Variants in AXDND1 observed in about 807,000 individuals in gnomAD.
The protein encoded by AXDND1 is axonemal dynein light chain domain-containing protein 1.
A neutral mutation model predicts 137.5 loss-of-function variants in AXDND1; 110 were observed. The observed-to-expected ratio is 0.80, with a 90% CI of 0.69 to 0.94. The LOEUF (loss-of-function observed/expected upper bound fraction) is 0.94. AXDND1 is among the 40% of genes least tolerant of loss of function. The pLI is 0.00. For missense variants in AXDND1, 1,191 were observed against 1,169.8 expected (o/e 1.02, Z -0.26); for synonymous variants, 414 against 399.7 (o/e 1.04, Z -0.43).
chr1:179,445,590 T>A (rs907348966), intron 16 of AXDND1, among the ~76,000 whole-genome samples: 1 of 152,190 alleles, frequency 6.6e-6, no homozygotes, highest in African/African-American at 2.4e-5. Context: ...TGGACTTTCA[T>A]GTGAATGAAT....
chr1:179,414,547 T>A (rs976486231), intron 12 of AXDND1, among the ~76,000 whole-genome samples: 1 of 152,104 alleles, frequency 6.6e-6, no homozygotes, highest in Admixed American at 6.6e-5. Flanking sequence ...TGCCTCAGCC[T>A]CCTGTGTAGC....
intron 15 of AXDND1, among the ~76,000 whole-genome samples, chr1:179,437,165 G>A (rs1020315232): frequency 4.1e-4 from 62 of 151,994 alleles, no homozygotes; most frequent in Non-Finnish European, 5.7e-4. Flanking sequence ...ACAAAGGGGG[G>A]CAAATGTGGG....
chr1:179,477,107 T>A lies in AXDND1; in HGVS notation c.1998-6021T>A, dbSNP rs1039372533. Among the ~76,000 whole-genome samples, 25 of 152,162 alleles carry A rather than the reference T, an allele frequency of 1.6e-4. 1 individual carries two copies. Among genetic ancestry groups the A allele is most frequent in the African/African-American group, 6.0e-4 (25 of 41,456 alleles). ...TTCAATTCTTCTCTCTTCTGCCAGT[T>A]CAAATTTACTGTTGAGCCCTAGTAG... On this transcript the variant is annotated intron_variant, in intron 17 of 25. Coordinates refer to ENST00000367618, the MANE Select transcript of AXDND1 (RefSeq NM_144696.6).
intron 17 of AXDND1, among the ~76,000 whole-genome samples, chr1:179,474,216 C>CAAAAAA: frequency 1.1e-5 from 1 of 92,208 alleles, no homozygotes; most frequent in African/African-American, 4.2e-5. Context: ...GACTCCACCT[C>CAAAAAA]AAAAAAAAAA....
At chr1:179,419,349 T>G (rs891257387) in intron 12 of AXDND1, among the ~76,000 whole-genome samples, 1 of 151,890 alleles carries the variant, frequency 6.6e-6, no homozygotes, top group African/African-American at 2.4e-5. Flanking sequence ...AACGAGACTC[T>G]GTCTGCAATC....
intron 11 of AXDND1, among the ~76,000 whole-genome samples, chr1:179,409,782 C>CAGG (rs1484304095): frequency 6.6e-6 from 1 of 152,108 alleles, no homozygotes; most frequent in East Asian, 1.9e-4. Flanking sequence ...CATTGCACTC[C>CAGG]AGCCTGGGGG....
At chr1:179,489,524 G>C (rs540173783) in intron 18 of AXDND1, among the ~76,000 whole-genome samples, 88 of 152,232 alleles carry the variant, frequency 5.8e-4, no homozygotes, top group African/African-American at 2.1e-3. Context: ...AGAAGCAGCA[G>C]GGACATAACT....
At chr1:179,537,752 G>C (rs914881196) in intron 25 of AXDND1, among the ~76,000 whole-genome samples, 1 of 152,106 alleles carries the variant, frequency 6.6e-6, no homozygotes, top group Admixed American at 6.5e-5. Flanking sequence ...AATCAGAATA[G>C]TTTCAGAAGG....
chr1:179,533,326 C>G (rs1486441310), intron 23 of AXDND1, among the ~76,000 whole-genome samples: 1 of 152,024 alleles, frequency 6.6e-6, no homozygotes, highest in East Asian at 1.9e-4. Flanking sequence ...ACATCTTTAA[C>G]TGATATTTAT....
At chr1:179,401,733 T>C (rs1652090460) in intron 11 of AXDND1, among the ~76,000 whole-genome samples, 1 of 152,162 alleles carries the variant, frequency 6.6e-6, no homozygotes, top group East Asian at 1.9e-4. Context: ...CTGATTGTTT[T>C]ATAAGGGGAA....
intron 21 of AXDND1, among the ~76,000 whole-genome samples, chr1:179,510,995 TGTTTC>T (rs1405105235): frequency 2.0e-5 from 3 of 149,832 alleles, no homozygotes; most frequent in Non-Finnish European, 4.4e-5. Flanking sequence ...GAACATATGG[TGTTTC>T]GTTTTCCATT....
chr1:179,468,306 T>A, intron 16 of AXDND1, 137 bp from the exon 17 acceptor site: 1 of 603,266 alleles, frequency 1.7e-6, no homozygotes, highest in Non-Finnish European at 2.8e-6. Flanking sequence ...TTTGTAAGGT[T>A]CTCTGCTAGT....
At chr1:179,420,196 T>C (rs1224892795) in intron 12 of AXDND1, among the ~76,000 whole-genome samples, 1 of 152,258 alleles carries the variant, frequency 6.6e-6, no homozygotes, top group African/African-American at 2.4e-5. Context: ...TCTATTGAAA[T>C]GATGCTATGC....
chr1:179,400,082 A>G (rs572580750), intron 11 of AXDND1, among the ~76,000 whole-genome samples: 1 of 152,238 alleles, frequency 6.6e-6, no homozygotes, highest in Admixed American at 6.5e-5. Flanking sequence ...GTATCTACCC[A>G]GAGGAAAAGA....
chr1:179,400,121 G>C (rs1651727661), intron 11 of AXDND1, among the ~76,000 whole-genome samples: 1 of 152,146 alleles, frequency 6.6e-6, no homozygotes, highest in Admixed American at 6.5e-5. Flanking sequence ...ATACTTGCAT[G>C]GGCATGTTCA....
chr1:179,444,700 C>CT (rs57923612), intron 15 of AXDND1, among the ~76,000 whole-genome samples: 9 of 146,306 alleles, frequency 6.2e-5, no homozygotes, highest in African/African-American at 1.7e-4. Context: ...CTTATCACTA[C>CT]TTTTTTTTTT....
intron 17 of AXDND1, among the ~76,000 whole-genome samples, chr1:179,478,145 G>A (rs929652359): frequency 2.6e-5 from 4 of 152,154 alleles, no homozygotes; most frequent in African/African-American, 9.7e-5. Flanking sequence ...GAGTGTCTAC[G>A]TGTTTTCCAG....
At chr1:179,497,048 A>G (rs1667514325) in intron 20 of AXDND1, among the ~76,000 whole-genome samples, 1 of 152,138 alleles carries the variant, frequency 6.6e-6, no homozygotes, top group African/African-American at 2.4e-5. Context: ...CATTGTAGTC[A>G]GAGAACATAT....
intron 15 of AXDND1, 66 bp downstream of exon 15, chr1:179,432,408 A>T (rs891975674): frequency 6.9e-7 from 1 of 1,458,366 alleles, no homozygotes; most frequent in African/African-American, 1.5e-5. Flanking sequence ...TTCCGGACCT[A>T]CAACTGAGGC....
Sources: allele counts gnomAD v4.1 joint callset (sites outside exome capture counted in the v4.1 genomes callset), GRCh38; gene constraint gnomAD v4.1.1; transcripts MANE v1.5; gene names NCBI Gene and HGNC (gene_info 2026-07-23, HGNC 2026-07-21).